CSK: variants seen among roughly 807,000 people sequenced by gnomAD.
CSK encodes tyrosine-protein kinase CSK.
CSK carries 7 observed loss-of-function variants against 62.3 expected under a neutral mutation model. The ratio of observed to expected loss-of-function variants is 0.11; its 90% CI spans 0.06 to 0.21. The LOEUF (loss-of-function observed/expected upper bound fraction) is 0.21. Ranked by LOEUF, CSK falls within the 10% of genes least tolerant of loss-of-function variation. The probability of loss-of-function intolerance (pLI) is 1.00; values close to 1 mark genes in which losing one functional copy is unlikely to be tolerated. For synonymous variants in CSK, 237 were observed against 246.0 expected (o/e 0.96, Z 0.34); for missense variants, 294 against 613.5 (o/e 0.48, Z 5.50).
Position 74,798,528 on chromosome 15 carries a change from G to A in CSK, c.16-87G>A. On this transcript the variant is annotated intron_variant, in intron 2 of 12. Coordinates refer to ENST00000220003, the MANE Select transcript of CSK (RefSeq NM_004383.3). The surrounding 1 kb of genome is among the most constrained non-coding windows in gnomAD (Gnocchi z 6.6). ...ACCTCACCCAGGCTCACAGAGGCCA[G>A]CTCAGAGGCTGTGACCACGAGGGTG... The A allele has an allele frequency of 7.4e-7, 1 of 1,351,566 alleles. No individual in the cohort carries two copies. The highest frequency in any genetic ancestry group is 1.0e-6 in the Non-Finnish European group (1 of 958,124). 83.7% of individuals were successfully genotyped at this position (1,351,566 alleles called of 1,614,324 possible).
Position 74,802,525 on chromosome 15 carries a change from C to T in CSK, c.*12C>T, listed in dbSNP as rs779881276. 2.5e-5 allele frequency: 41 copies of T among 1,611,162 alleles called. No homozygotes were observed. Among genetic ancestry groups the T allele is most frequent in the South Asian group, 5.5e-5 (5 of 90,886 alleles). ...AGCTGCACCTGTGACGGCTGGCCTC[C>T]GCCTGGGTCATGGGCCTGTGGGGAC... is the stretch of plus-strand genomic sequence containing the variant. On this transcript the variant is annotated 3_prime_UTR_variant, in exon 13 of 13. Coordinates refer to ENST00000220003, the MANE Select transcript of CSK (RefSeq NM_004383.3).
rs767820258 is a variant in CSK at position 74,800,858 on chromosome 15, G to A, written c.658G>A (p.Ala220Thr). 1 of 1,613,340 alleles carries A rather than the reference G, an allele frequency of 6.2e-7. No homozygotes were observed. The change falls in exon 8 of 13, where the codon GCC (alanine) becomes ACC (threonine). Residue 220 changes from alanine (A) to threonine (T), a missense_variant. This residue lies in a region of CSK where 202 missense variants were observed against 415.7 expected (regional missense o/e 0.49). Coordinates refer to ENST00000220003, the MANE Select transcript of CSK (RefSeq NM_004383.3). ...MLGDYRGNKV[A>T]VKCIKNDATA... Reference sequence around the variant, plus strand: ...GGGCGATTACCGAGGGAACAAAGTCGCCGTCAAGTGCATTAAGAACGACGC... The same window carrying A: ...GGGCGATTACCGAGGGAACAAAGTCACCGTCAAGTGCATTAAGAACGACGC...
chr15:74,802,171 A>T, intron 12 of CSK, 88 bp downstream of exon 12: 2 of 1,462,112 alleles, frequency 1.4e-6, no homozygotes, highest in Non-Finnish European at 1.9e-6. Context: ...TGCCTCCCCA[A>T]TCAAGGCCTA....
intron 12 of CSK, 107 bp from the exon 13 acceptor site, chr15:74,802,224 G>A (rs764024452): frequency 1.3e-4 from 176 of 1,406,898 alleles, no homozygotes; most frequent in Middle Eastern, 2.5e-4. Context: ...GCCACTCTCC[G>A]GGCCTGGGTC....
chr15:74,796,607 AAAG>A (rs1435303028), intron 1 of CSK, among the ~76,000 whole-genome samples: 17 of 152,090 alleles, frequency 1.1e-4, no homozygotes, highest in African/African-American at 3.9e-4. Context: ...AAAAAAAAAA[AAAG>A]AAAAGAAAAA....
intron 1 of CSK, among the ~76,000 whole-genome samples, chr15:74,785,096 C>CA (rs1167944088): frequency 6.6e-6 from 1 of 152,116 alleles, no homozygotes; most frequent in Non-Finnish European, 1.5e-5. Context: ...GAAAATGAAA[C>CA]AAAAATCACC....
chr15:74,799,021 G>A, intron 4 of CSK, 83 bp downstream of exon 4: 3 of 1,283,976 alleles, frequency 2.3e-6, no homozygotes, highest in Non-Finnish European at 3.1e-6. Flanking sequence ...GGAGGCCAGA[G>A]TGAGGGGCTT....
Position 74,798,497 on chromosome 15 carries a change from C to T in CSK, c.16-118C>T. 1.6e-6 allele frequency: 2 copies of T among 1,216,390 alleles called. No homozygotes were observed. Among genetic ancestry groups the T allele is most frequent in the Non-Finnish European group, 1.2e-6 (1 of 841,438 alleles). 75.3% of individuals were successfully genotyped at this position (1,216,390 alleles called of 1,614,324 possible). On this transcript the variant is annotated intron_variant, in intron 2 of 12. Coordinates refer to ENST00000220003, the MANE Select transcript of CSK (RefSeq NM_004383.3). This position sits in a 1 kb window ranked among gnomAD's most constrained non-coding sequence, Gnocchi z 6.6. ...AGGGACCCAGGGCTCGTTCTCCGGG[C>T]AGAGCACCTCACCCAGGCTCACAGA...
chr15:74,798,994 G>T lies in CSK; in HGVS notation c.242+56G>T. 7.1e-7 allele frequency: 1 copy of T among 1,404,562 alleles called. No homozygotes were observed. The highest frequency in any genetic ancestry group is 9.4e-7 in the Non-Finnish European group (1 of 1,061,786). 87.0% of individuals were successfully genotyped at this position (1,404,562 alleles called of 1,614,324 possible). A position where few individuals can be genotyped will look rare whatever the true frequency, so the allele number is the denominator to read the frequency against. ...AAGGGGCCTTGGTCCTCCTGAAGGA[G>T]CATCAGGAGCAAGCAGGGAGGCCAG... On this transcript the variant is annotated intron_variant, in intron 4 of 12. Transcript: ENST00000220003. The surrounding 1 kb of genome is among the most constrained non-coding windows in gnomAD (Gnocchi z 6.6).
In CSK at chr15:74,799,501, G is replaced by T. The variant is rs753913871; in HGVS notation, c.462+10G>T. On this transcript the variant is annotated intron_variant, in intron 5 of 12. Coordinates refer to ENST00000220003, the MANE Select transcript of CSK (RefSeq NM_004383.3). Reference sequence around the variant, plus strand: ...CATGCAGCTGGTGGAGGTGAGCTGGGGGGTACAGAGCCTTGCTCCCACCCT... The same window carrying T: ...CATGCAGCTGGTGGAGGTGAGCTGGTGGGTACAGAGCCTTGCTCCCACCCT... The T allele has an allele frequency of 1.9e-6, 3 of 1,610,386 alleles. No homozygotes were observed. In the African/African-American group the frequency reaches 4.0e-5, roughly 22 times the overall value.
In CSK at chr15:74,798,629, C is replaced by T. The variant is rs147315449; in HGVS notation, c.30C>T (p.Ser10=). MSAIQAAWP[S]GTECIAKYNF... is the part of the protein sequence containing the mutation. ...CTGCCTTGCAGGCCGCCTGGCCATC[C>T]GGTACAGAATGTATTGCCAAGTACA... The change falls in exon 3 of 13, where the codon TCC becomes TCT. Residue 10 remains serine (S), a synonymous_variant. Coordinates refer to ENST00000220003, the MANE Select transcript of CSK (RefSeq NM_004383.3). The surrounding 1 kb of genome is among the most constrained non-coding windows in gnomAD (Gnocchi z 6.6). The T allele has an allele frequency of 3.0e-4, 481 of 1,613,368 alleles. 1 individual carries two copies. Among genetic ancestry groups the T allele is most frequent in the Non-Finnish European group, 3.8e-4 (448 of 1,179,998 alleles).
At chr15:74,799,214 G>A in intron 4 of CSK, 58 bp from the exon 5 acceptor site, 1 of 1,535,230 alleles carries the variant, frequency 6.5e-7, no homozygotes, top group Non-Finnish European at 8.8e-7. Context: ...CCTTCAGAAA[G>A]GGGAGCCAGG....
chr15:74,801,404 A>C (rs1318789493), intron 9 of CSK, 118 bp from the exon 10 acceptor site: 2 of 981,022 alleles, frequency 2.0e-6, no homozygotes, highest in Admixed American at 2.5e-5. Flanking sequence ...GCCCCTCCCC[A>C]CTCCTTCCCT....
chr15:74,798,352 C>A lies in CSK; in HGVS notation c.15+40C>A. 6.3e-7 allele frequency: 1 copy of A among 1,592,828 alleles called. No individual in the cohort carries two copies. The highest frequency in any genetic ancestry group is 1.1e-5 in the South Asian group (1 of 88,316). On this transcript the variant is annotated intron_variant, in intron 2 of 12. Transcript: ENST00000220003. This position sits in a 1 kb window ranked among gnomAD's most constrained non-coding sequence, Gnocchi z 6.6. The stretch of plus-strand genomic sequence containing the variant: ...AGGGTCTGGGACATGCAAGCATTCC[C>A]ACCAGCCCCAGCGGGGTGCTTAGCA...
chr15:74,791,187 G>T (rs2063615067), intron 1 of CSK, among the ~76,000 whole-genome samples: 1 of 152,078 alleles, frequency 6.6e-6, no homozygotes, highest in African/African-American at 2.4e-5. Context: ...GTTTAGGGAG[G>T]TGTTGCATTA....
At chr15:74,787,671 C>T (rs770615191) in intron 1 of CSK, among the ~76,000 whole-genome samples, 3 of 152,144 alleles carry the variant, frequency 2.0e-5, no homozygotes, top group African/African-American at 7.2e-5. Flanking sequence ...AGCTTCCCTC[C>T]ACCCCTCCTT....
intron 1 of CSK, among the ~76,000 whole-genome samples, chr15:74,786,013 T>TCTTTTTTTTTTTTTTTTGTGTG (rs1555464576): frequency 2.1e-5 from 1 of 47,816 alleles, no homozygotes; most frequent in Non-Finnish European, 5.5e-5. Flanking sequence ...TTTTTTTTTT[T>TCTTTTTTTTTTTTTTTTGTGTG]TGTGTGTGTG....
intron 1 of CSK, among the ~76,000 whole-genome samples, chr15:74,783,322 A>G (rs375952150): frequency 6.6e-6 from 1 of 152,222 alleles, no homozygotes; most frequent in South Asian, 2.1e-4. Flanking sequence ...ACGGAGCATT[A>G]GCACCATGCC....
intron 1 of CSK, among the ~76,000 whole-genome samples, chr15:74,796,533 G>T (rs1246832641): frequency 6.6e-6 from 1 of 151,446 alleles, no homozygotes; most frequent in Admixed American, 6.6e-5. Context: ...GTTTGAGGCT[G>T]CTGTGAGCTA....
Sources: allele counts gnomAD v4.1 joint callset (sites outside exome capture counted in the v4.1 genomes callset), GRCh38; gene constraint gnomAD v4.1.1; regional missense constraint gnomAD v4.1.1; non-coding constraint Gnocchi (gnomAD v3.1); transcripts MANE v1.5; gene names NCBI Gene and HGNC (gene_info 2026-07-23, HGNC 2026-07-21).